The following ANK2 variants were observed in gnomAD, a reference collection of about 807,000 sequenced individuals.
ANK2 encodes ankyrin 2.
In ANK2, 83 loss-of-function variants were observed where a neutral mutation model predicts 360.5. That is an observed-to-expected ratio of 0.23 (90% CI 0.19 to 0.28). The LOEUF (loss-of-function observed/expected upper bound fraction) is 0.28, where lower values mean the gene tolerates loss of function less well. ANK2 is among the 10% of genes least tolerant of loss of function. The pLI is 1.00. For missense variants in ANK2, 4,201 were observed against 4,795.7 expected, an observed-to-expected ratio of 0.88 and a Z score of 3.66; for synonymous variants, 1,740 against 1,759.5, an observed-to-expected ratio of 0.99 and a Z score of 0.28.
intron 36 of ANK2, among the ~76,000 whole-genome samples, chr4:113,348,794 T>A (rs577105422): frequency 1.3e-5 from 2 of 152,292 alleles, no homozygotes; most frequent in Non-Finnish European, 2.9e-5. Flanking sequence ...ATGGAATGTA[T>A]GCTTGCATAC....
the ANK2 span, among the ~76,000 whole-genome samples, chr4:112,757,164 G>A: frequency 0.25 from 36,851 of 146,666 alleles, 4,952 homozygotes; most frequent in East Asian, 0.52. Flanking sequence ...CCAGGCTGGA[G>A]TGCAATGGCG....
the ANK2 span, among the ~76,000 whole-genome samples, chr4:112,731,293 CA>C: frequency 0.23 from 15,210 of 65,024 alleles, 728 homozygotes; most frequent in East Asian, 0.47. Flanking sequence ...GATGTAGTCT[CA>C]AAAAAAAAAA....
At chr4:113,175,535 G>T (rs1426059543) in intron 2 of ANK2, among the ~76,000 whole-genome samples, 1 of 152,108 alleles carries the variant, frequency 6.6e-6, no homozygotes, top group Non-Finnish European at 1.5e-5. Context: ...CAGATTACAT[G>T]AGCTCGGATC....
chr4:113,172,107 C>T (rs2097987181), intron 1 of ANK2, among the ~76,000 whole-genome samples: 1 of 152,184 alleles, frequency 6.6e-6, no homozygotes, highest in Admixed American at 6.5e-5. Context: ...TCCTCATTCT[C>T]ACATGAATGT....
chr4:113,131,508 T>A (rs2096031224), intron 1 of ANK2, among the ~76,000 whole-genome samples: 1 of 152,206 alleles, frequency 6.6e-6, no homozygotes, highest in South Asian at 2.1e-4. Context: ...AAACATTTGA[T>A]CCCTGATGGC....
At chr4:113,200,791 G>A (rs1267278097) in intron 4 of ANK2, among the ~76,000 whole-genome samples, 1 of 151,994 alleles carries the variant, frequency 6.6e-6, no homozygotes, top group Non-Finnish European at 1.5e-5. Flanking sequence ...ATAAACATAA[G>A]GGTGCAGGTG....
At chr4:113,083,123 G>T (rs1008234337) in intron 1 of ANK2, among the ~76,000 whole-genome samples, 16 of 152,104 alleles carry the variant, frequency 1.1e-4, no homozygotes, top group African/African-American at 3.9e-4. Context: ...TAGGGTATAT[G>T]TGCACAATGT....
At chr4:112,737,088 C>T in the ANK2 span, among the ~76,000 whole-genome samples, 5 of 152,142 alleles carry the variant, frequency 3.3e-5, no homozygotes, top group Admixed American at 2.6e-4. Flanking sequence ...TGACTTTGGC[C>T]TGGTTACTTC....
chr4:112,729,224 G>GA, the ANK2 span, among the ~76,000 whole-genome samples: 1 of 151,404 alleles, frequency 6.6e-6, no homozygotes, highest in South Asian at 2.1e-4. Flanking sequence ...AAAGAAACAG[G>GA]AACCTAGTAA....
chr4:113,243,041 A>G (rs902475044), intron 9 of ANK2, among the ~76,000 whole-genome samples: 9 of 152,182 alleles, frequency 5.9e-5, no homozygotes, highest in Admixed American at 5.2e-4. Context: ...CTAGCTCTTC[A>G]TAATATTTGA....
At chr4:112,909,757 A>G (rs772485939) in intron 2 of ANK2, among the ~76,000 whole-genome samples, 9 of 152,236 alleles carry the variant, frequency 5.9e-5, no homozygotes, top group Non-Finnish European at 1.2e-4. Context: ...TTTTGTGGTC[A>G]GTCTATGTAT....
At chr4:113,126,554 G>T (rs1277457116) in intron 1 of ANK2, among the ~76,000 whole-genome samples, 1 of 152,112 alleles carries the variant, frequency 6.6e-6, no homozygotes, top group Non-Finnish European at 1.5e-5. Context: ...TTTCGTTCAG[G>T]GTGGTCACCT....
At chr4:112,723,038 T>G in the ANK2 span, among the ~76,000 whole-genome samples, 3 of 152,300 alleles carry the variant, frequency 2.0e-5, no homozygotes, top group Admixed American at 6.5e-5. Flanking sequence ...GTATTGAGTC[T>G]GGGCTCATTG....
rs138474562 is a variant in ANK2 at position 113,358,040 on chromosome 4, A to T, written c.9422A>T (p.Glu3141Val). 1 of 1,613,942 alleles carries T rather than the reference A, an allele frequency of 6.2e-7. No individual in the cohort carries two copies. Among genetic ancestry groups the T allele is most frequent in the African/African-American group, 1.3e-5 (1 of 74,926 alleles). Residue 3141 changes from glutamate (E) to valine (V), a missense_variant, in exon 38 of 46, where the codon GAG becomes GTG. Transcript: ENST00000357077. Reference sequence around the variant, plus strand: ...CAAATTGGTCAAGAATCCAGGGAAGAGACTCTCTCTGAAGATGTGAAAGAA... The same window carrying T: ...CAAATTGGTCAAGAATCCAGGGAAGTGACTCTCTCTGAAGATGTGAAAGAA... ...FFQIGQESRE[E>V]TLSEDVKEGA...
intron 29 of ANK2, 31 bp downstream of exon 29, chr4:113,333,239 T>A (rs1275324783): frequency 1.2e-6 from 2 of 1,613,458 alleles, no homozygotes; most frequent in Non-Finnish European, 1.7e-6. Flanking sequence ...TTAAAAGAAA[T>A]CTAAACTGGA....
the ANK2 span, among the ~76,000 whole-genome samples, chr4:112,737,201 T>C: frequency 2.0e-5 from 3 of 152,344 alleles, no homozygotes; most frequent in South Asian, 6.2e-4. Flanking sequence ...ACATAGTAAA[T>C]AGTTCATATT....
At chr4:113,260,212 T>C (rs1253768667) in intron 13 of ANK2, among the ~76,000 whole-genome samples, 1 of 152,202 alleles carries the variant, frequency 6.6e-6, no homozygotes, top group Non-Finnish European at 1.5e-5. Context: ...CAATTCCAAA[T>C]CTTCAGGTGG....
intron 1 of ANK2, chr4:112,904,430 T>C: frequency 1.6e-6 from 2 of 1,257,238 alleles, no homozygotes; most frequent in East Asian, 5.3e-5. Context: ...AAACTTCTAA[T>C]ATTTTCTCTT....
intron 2 of ANK2, among the ~76,000 whole-genome samples, chr4:112,951,794 G>A (rs545624689): frequency 1.3e-5 from 2 of 152,108 alleles, no homozygotes; most frequent in Non-Finnish European, 2.9e-5. Flanking sequence ...CATATTTTAC[G>A]AGTAATAAGA....
Sources: allele counts gnomAD v4.1 joint callset (sites outside exome capture counted in the v4.1 genomes callset), GRCh38; gene constraint gnomAD v4.1.1; transcripts MANE v1.5; gene names NCBI Gene and HGNC (gene_info 2026-07-23, HGNC 2026-07-21).